The following PAQR5 variants were observed in gnomAD, a reference collection of about 807,000 sequenced individuals.
The protein encoded by PAQR5 is progestin and adipoQ receptor family member 5.
A neutral mutation model predicts 34.5 loss-of-function variants in PAQR5; 20 were observed. The observed-to-expected ratio is 0.58, with a 90% CI of 0.41 to 0.84. The LOEUF (loss-of-function observed/expected upper bound fraction) is 0.84. PAQR5 is among the 40% of genes least tolerant of loss of function. The pLI, the probability that PAQR5 is intolerant of heterozygous loss-of-function variation, is 0.00. For synonymous variants in PAQR5, 131 were observed against 155.6 expected (o/e 0.84, Z 1.18); for missense variants, 378 against 412.7 (o/e 0.92, Z 0.73).
intron 1 of PAQR5, among the ~76,000 whole-genome samples, chr15:69,316,978 C>G (rs2053966968): frequency 6.6e-6 from 1 of 152,152 alleles, no homozygotes; most frequent in South Asian, 2.1e-4. Flanking sequence ...CGCCACTAGG[C>G]CTGGGTAATT....
chr15:69,339,287 C>T (rs2054585110), intron 2 of PAQR5, among the ~76,000 whole-genome samples: 1 of 151,888 alleles, frequency 6.6e-6, no homozygotes, highest in East Asian at 1.9e-4. Flanking sequence ...GTGTGAATTA[C>T]TCTTTCTCTG....
At chr15:69,384,215 C>T (rs2056028356) in intron 4 of PAQR5, among the ~76,000 whole-genome samples, 1 of 107,092 alleles carries the variant, frequency 9.3e-6, no homozygotes. Context: ...CGGGGGCCCT[C>T]CGTGTTCATG....
intron 2 of PAQR5, among the ~76,000 whole-genome samples, chr15:69,348,994 G>A (rs1452737249): frequency 1.3e-5 from 2 of 152,250 alleles, no homozygotes; most frequent in African/African-American, 2.4e-5. Context: ...ACTATGGAAG[G>A]CAAAACCTTG....
At chr15:69,358,501 G>T (rs2055138681) in intron 2 of PAQR5, among the ~76,000 whole-genome samples, 2 of 152,172 alleles carry the variant, frequency 1.3e-5, no homozygotes, top group Admixed American at 1.3e-4. Flanking sequence ...GCCTCTGGTG[G>T]AGTGGAGAGT....
chr15:69,377,575 G>T (rs993127989), intron 3 of PAQR5, among the ~76,000 whole-genome samples: 1 of 152,206 alleles, frequency 6.6e-6, no homozygotes, highest in African/African-American at 2.4e-5. Flanking sequence ...TAGTTGAGCA[G>T]TTCAACCCAG....
In PAQR5 at chr15:69,399,995, A is replaced by G; in HGVS notation, c.631A>G (p.Ser211Gly). 2 of 1,613,908 alleles carry G rather than the reference A, an allele frequency of 1.2e-6. No homozygotes were observed. Among genetic ancestry groups the G allele is most frequent in the Non-Finnish European group, 1.7e-6 (2 of 1,179,894 alleles). ...FYRLFLFPGE[S>G]AQNEATSYHQ... ...GCAGCTATTCCTGTTCCCAGGGGAG[A>G]GTGCACAAAATGAAGCCACCTCGTA... Residue 211 changes from serine to glycine, a missense_variant, in exon 8 of 9, where the codon AGT becomes GGT. Transcript: ENST00000395407.
At chr15:69,397,714 A>G in intron 7 of PAQR5, 150 bp downstream of exon 7, 1 of 650,086 alleles carries the variant, frequency 1.5e-6, no homozygotes, top group Non-Finnish European at 2.8e-6. Context: ...GCCCCTCCAC[A>G]CCTGTGGGTA....
chr15:69,322,294 C>T (rs563532435), intron 1 of PAQR5, among the ~76,000 whole-genome samples: 1 of 149,872 alleles, frequency 6.7e-6, no homozygotes, highest in South Asian at 2.1e-4. Flanking sequence ...CCTGGCCATC[C>T]ATGGCTAACA....
intron 5 of PAQR5, among the ~76,000 whole-genome samples, chr15:69,386,396 T>G (rs2140945640): frequency 6.6e-6 from 1 of 152,252 alleles, no homozygotes; most frequent in South Asian, 2.1e-4. Context: ...CACTAGACCG[T>G]GCCCCTTTCC....
At position 69,337,745 on chromosome 15, in the gene PAQR5, A is replaced by G. The variant is rs2054543643; in HGVS notation, c.-116+244A>G. ...TTATGCAAATCATCAGGCCAAGTAG[A>G]GTAAGACTAAAATTCATTTTGTAAA... On this transcript the variant is annotated intron_variant, in intron 2 of 8. Coordinates refer to ENST00000395407, the MANE Select transcript of PAQR5 (RefSeq NM_017705.4). Among the ~76,000 whole-genome samples the G allele has an allele frequency of 2.2e-4, 4 of 18,106 alleles. No individual in the cohort carries two copies. In the Non-Finnish European group the frequency reaches 9.4e-3, roughly 42 times the overall value. 11.9% of individuals were successfully genotyped at this position (18,106 alleles called of 152,430 possible).
chr15:69,338,612 A>G (rs561982245), intron 2 of PAQR5, among the ~76,000 whole-genome samples: 5 of 152,330 alleles, frequency 3.3e-5, no homozygotes, highest in Non-Finnish European at 5.9e-5. Context: ...AAGAAGCCAG[A>G]GCGATTGACA....
chr15:69,350,971 G>A (rs1170354630), intron 2 of PAQR5, among the ~76,000 whole-genome samples: 5 of 152,202 alleles, frequency 3.3e-5, no homozygotes, highest in African/African-American at 7.2e-5. Flanking sequence ...CAGGAGGCCC[G>A]AAATGTTACT....
chr15:69,307,486 A>G lies in PAQR5; in HGVS notation c.-277+8430A>G, dbSNP rs560054366. ...AGGGGAGGGGAGAGGAGGGAAGGAAAAAGCCCAGGCTGCAGGAAGAAAGTG... is the reference window on the plus strand; with the variant it reads ...AGGGGAGGGGAGAGGAGGGAAGGAAGAAGCCCAGGCTGCAGGAAGAAAGTG... On this transcript the variant is annotated intron_variant, in intron 1 of 8. Transcript: ENST00000395407. Among the ~76,000 whole-genome samples, 5 of 152,138 alleles carry G rather than the reference A, an allele frequency of 3.3e-5. No individual in the cohort carries two copies. In the South Asian group the frequency reaches 1.0e-3, roughly 32 times the overall value.
intron 2 of PAQR5, among the ~76,000 whole-genome samples, chr15:69,357,864 C>T (rs2055120529): frequency 6.6e-6 from 1 of 152,170 alleles, no homozygotes; most frequent in Non-Finnish European, 1.5e-5. Context: ...ATTAAATAAT[C>T]ATTTGCTGAG....
intron 1 of PAQR5, among the ~76,000 whole-genome samples, chr15:69,335,905 G>T (rs538966762): frequency 2.6e-5 from 4 of 152,134 alleles, no homozygotes; most frequent in Admixed American, 2.6e-4. Flanking sequence ...TAAAAAACTA[G>T]CTTTAACATT....
At chr15:69,401,796 C>G (rs903262763) in intron 8 of PAQR5, among the ~76,000 whole-genome samples, 2 of 152,210 alleles carry the variant, frequency 1.3e-5, no homozygotes, top group African/African-American at 4.8e-5. Context: ...CTCAATCTTC[C>G]TAACTCTGCT....
intron 1 of PAQR5, among the ~76,000 whole-genome samples, chr15:69,326,585 C>T (rs111339096): frequency 0.016 from 2,380 of 152,192 alleles, 67 homozygotes; most frequent in African/African-American, 0.053. Context: ...TACAGGTGCC[C>T]GCCACCACAT....
intron 8 of PAQR5, 62 bp downstream of exon 8, chr15:69,400,177 C>T: frequency 1.3e-6 from 2 of 1,521,746 alleles, no homozygotes; most frequent in Non-Finnish European, 1.8e-6. Context: ...GGGTCCTGTC[C>T]CTGACTCCAG....
Position 69,379,921 on chromosome 15 carries a change from T to A in PAQR5, c.90T>A (p.His30Gln). 1 of 1,614,182 alleles carries A rather than the reference T, an allele frequency of 6.2e-7. No individual in the cohort carries two copies. Among genetic ancestry groups the A allele is most frequent in the Non-Finnish European group, 8.5e-7 (1 of 1,180,012 alleles). ...AAGGCATCCTGTTCGGCTACCGCCA[T>A]CCACAGAGTTCTGCCACTGCCTGCA... ...HEQGILFGYRHPQSSATACIL... is the reference protein window; with the variant it reads ...HEQGILFGYRQPQSSATACIL... The change falls in exon 4 of 9, where the codon CAT becomes CAA. Residue 30 changes from histidine to glutamine, a missense_variant. Transcript: ENST00000395407.
Sources: gnomAD v4.1 joint callset for allele counts (sites outside exome capture counted in the v4.1 genomes callset) on GRCh38, gnomAD v4.1.1 for gene constraint, MANE v1.5 for transcripts, NCBI Gene and HGNC (gene_info 2026-07-23, HGNC 2026-07-21) for gene names.